The following USP49 variants were observed in gnomAD, a reference collection of about 807,000 sequenced individuals.
The protein encoded by USP49 is ubiquitin specific peptidase 49.
A neutral mutation model predicts 58.6 loss-of-function variants in USP49; 24 were observed. The ratio of observed to expected loss-of-function variants is 0.41; its 90% confidence interval spans 0.30 to 0.58. The LOEUF (loss-of-function observed/expected upper bound fraction) is 0.58. Among genes scored for constraint, USP49 ranks in the 20% least tolerant of loss-of-function variants. The probability of loss-of-function intolerance (pLI) is 0.30; values close to 1 mark genes in which losing one functional copy is unlikely to be tolerated. For synonymous variants in USP49, 408 were observed against 365.1 expected (o/e 1.12, Z -1.34); for missense variants, 703 against 866.1 (o/e 0.81, Z 2.36).
intron 2 of USP49, among the ~76,000 whole-genome samples, chr6:41,879,809 T>C (rs1774572135): frequency 6.6e-6 from 1 of 152,202 alleles, no homozygotes; most frequent in Non-Finnish European, 1.5e-5. Flanking sequence ...GAACATTCTT[T>C]CTGGGGATGA....
intron 3 of USP49, among the ~76,000 whole-genome samples, chr6:41,858,558 T>G (rs1458377165): frequency 6.6e-6 from 1 of 152,288 alleles, no homozygotes; most frequent in East Asian, 1.9e-4. Context: ...CTCATTATTC[T>G]TCCTCTCACT....
intron 2 of USP49, among the ~76,000 whole-genome samples, chr6:41,888,531 G>A (rs1337934769): frequency 6.6e-6 from 1 of 152,124 alleles, no homozygotes; most frequent in African/African-American, 2.4e-5. Context: ...TCAGCTCACT[G>A]CAACCTCTGC....
At chr6:41,818,182 A>C (rs1296355323) in intron 3 of USP49, among the ~76,000 whole-genome samples, 1 of 152,140 alleles carries the variant, frequency 6.6e-6, no homozygotes, top group Non-Finnish European at 1.5e-5. Flanking sequence ...CCCTGAAGGG[A>C]TCAGACTTTT....
chr6:41,816,699 ACT>A (rs1773356358), intron 3 of USP49, among the ~76,000 whole-genome samples: 2 of 111,456 alleles, frequency 1.8e-5, no homozygotes, highest in South Asian at 6.2e-4. Context: ...AGAGTTCCAC[ACT>A]CTATTATTAT....
chr6:41,836,857 G>A (rs548683097), intron 3 of USP49, among the ~76,000 whole-genome samples: 26 of 146,698 alleles, frequency 1.8e-4, no homozygotes, highest in Admixed American at 2.7e-4. Flanking sequence ...ACACACACAC[G>A]CACACACACA....
intron 3 of USP49, among the ~76,000 whole-genome samples, chr6:41,858,200 T>C (rs1774163319): frequency 6.6e-6 from 1 of 152,194 alleles, no homozygotes; most frequent in Non-Finnish European, 1.5e-5. Flanking sequence ...AAACCCATTC[T>C]ATGGTGAGAG....
At chr6:41,807,077 TAAAAA>T in intron 3 of USP49, 66 bp from the exon 4 acceptor site, 7 of 1,040,724 alleles carry the variant, frequency 6.7e-6, no homozygotes, top group Admixed American at 4.3e-5. Flanking sequence ...ATATTTTCCT[TAAAAA>T]AAAAAAAAAA....
At position 41,864,542 on chromosome 6, in the gene USP49, G is replaced by A. The variant is rs372782144; in HGVS notation, c.-29+7022C>T. On this transcript the variant is annotated intron_variant, in intron 3 of 7. Transcript: ENST00000682992. ...CGCGCCACTACACTCCAGCCTCGGCGACAGAGTGAGACTCCGTCTCAAAAC... is the reference window on the plus strand; with the variant it reads ...CGCGCCACTACACTCCAGCCTCGGCAACAGAGTGAGACTCCGTCTCAAAAC... Among the ~76,000 whole-genome samples, 279 of 152,204 alleles carry A rather than the reference G, an allele frequency of 1.8e-3. 8 individuals carry two copies. In the South Asian group the frequency reaches 0.054, roughly 30 times the overall value.
rs189375571 is a variant in USP49, at chr6:41,871,496, C to T, written c.-29+68G>A. On this transcript the variant is annotated intron_variant, in intron 3 of 7. Transcript: ENST00000682992. Reference sequence around the variant, plus strand: ...TACCCTCATAGTATGCCAACCTCAGCCACACATAATACTATTATTATAAAT... The same window carrying T: ...TACCCTCATAGTATGCCAACCTCAGTCACACATAATACTATTATTATAAAT... 6 of 152,278 alleles carry T rather than the reference C, an allele frequency of 3.9e-5. No homozygotes were observed. The East Asian group carries it at 1.2e-3, about 29-fold the overall frequency. The allele number at this position is 152,278 out of a possible 1,614,324, so 9.4% of individuals were successfully genotyped here.
chr6:41,841,018 A>T (rs1423621974), intron 3 of USP49, among the ~76,000 whole-genome samples: 3 of 151,524 alleles, frequency 2.0e-5, no homozygotes, highest in Non-Finnish European at 4.4e-5. Flanking sequence ...TTGTTTCAAA[A>T]AAAAAAACAA....
chr6:41,823,775 C>A (rs1773490132), intron 3 of USP49, among the ~76,000 whole-genome samples: 2 of 152,054 alleles, frequency 1.3e-5, no homozygotes, highest in African/African-American at 4.8e-5. Flanking sequence ...TTGCAGTGTA[C>A]TGGTAATCTC....
rs146006548 is a variant in USP49 at position 41,883,794 on chromosome 6, G to A, written c.-103+8000C>T. 4.3e-3 allele frequency among the ~76,000 whole-genome samples: 654 copies of A among 152,088 alleles called. 2 individuals carry two copies. Among genetic ancestry groups the A allele is most frequent in the Non-Finnish European group, 5.2e-3 (353 of 67,994 alleles). On this transcript the variant is annotated intron_variant, in intron 2 of 7. Transcript: ENST00000682992. Reference sequence around the variant, plus strand: ...TCAACAGCCTCATAGTACTTATGCCGCAATGCCACTCCTGGGTCTGTGCCC... The same window carrying A: ...TCAACAGCCTCATAGTACTTATGCCACAATGCCACTCCTGGGTCTGTGCCC...
chr6:41,834,441 AG>A (rs1375872045), intron 3 of USP49, among the ~76,000 whole-genome samples: 1 of 152,208 alleles, frequency 6.6e-6, no homozygotes, highest in African/African-American at 2.4e-5. Context: ...CTTGAATATC[AG>A]AGAGGGTAAA....
rs1478495264 is a variant in USP49 at position 41,806,992 on chromosome 6, G to A, written c.-9C>T. ...TGTTTGCATCTATCCATGTCTTATA[G>A]AAGTCGCCACTTTCTCAACCTGGCA... is the stretch of plus-strand genomic sequence containing the variant. On this transcript the variant is annotated 5_prime_UTR_variant, in exon 4 of 8. Coordinates refer to ENST00000682992, the MANE Select transcript of USP49 (RefSeq NM_001286554.2). This position sits in a 1 kb window ranked among gnomAD's most constrained non-coding sequence, Gnocchi z 5.9. 6.7e-7 allele frequency: 1 copy of A among 1,481,606 alleles called. No individual in the cohort carries two copies. Among genetic ancestry groups the A allele is most frequent in the Non-Finnish European group, 9.0e-7 (1 of 1,105,868 alleles). The allele number at this position is 1,481,606 out of a possible 1,614,324, so 91.8% of individuals were successfully genotyped here. A position where few individuals can be genotyped will look rare whatever the true frequency, so the allele number is the denominator to read the frequency against.
Position 41,849,865 on chromosome 6 carries a change from A to G in USP49, c.-29+21699T>C, listed in dbSNP as rs540756419. Among the ~76,000 whole-genome samples, 37 of 152,256 alleles carry G rather than the reference A, an allele frequency of 2.4e-4. No homozygotes were observed. In the South Asian group the frequency reaches 7.7e-3, roughly 32 times the overall value. On this transcript the variant is annotated intron_variant, in intron 3 of 7. Transcript: ENST00000682992. ...TCATGATCCACCGCTTCGACCTCCC[A>G]AAGTGCTGGGATTACAGGCATGAGC...
intron 3 of USP49, among the ~76,000 whole-genome samples, chr6:41,817,168 G>T (rs56784685): frequency 0.6 from 56,350 of 94,466 alleles, 13,490 homozygotes; most frequent in Admixed American, 0.66. Flanking sequence ...TTTTTTTTTT[G>T]AGACAGAGTC....
At chr6:41,801,113 C>T (rs1199383501) in intron 5 of USP49, among the ~76,000 whole-genome samples, 1 of 152,198 alleles carries the variant, frequency 6.6e-6, no homozygotes, top group Admixed American at 6.5e-5. Flanking sequence ...AAATGCATTT[C>T]TAAATTTCAG....
chr6:41,861,708 CTT>C (rs749581690), intron 3 of USP49, among the ~76,000 whole-genome samples: 4 of 145,232 alleles, frequency 2.8e-5, no homozygotes, highest in Non-Finnish European at 4.6e-5. Context: ...TTACGTCACT[CTT>C]TTTTTTTTTT....
chr6:41,826,077 A>C (rs1298679460), intron 3 of USP49, among the ~76,000 whole-genome samples: 1 of 152,212 alleles, frequency 6.6e-6, no homozygotes, highest in Non-Finnish European at 1.5e-5. Context: ...CAGCCTGGGC[A>C]AAATGGTGAA....
Sources: allele counts gnomAD v4.1 joint callset (sites outside exome capture counted in the v4.1 genomes callset), GRCh38; gene constraint gnomAD v4.1.1; non-coding constraint Gnocchi (gnomAD v3.1); transcripts MANE v1.5; gene names NCBI Gene and HGNC (gene_info 2026-07-23, HGNC 2026-07-21).